Variants in DSCAM observed in about 807,000 individuals in gnomAD.
DSCAM encodes the protein DS cell adhesion molecule.
Under a neutral mutation model 217.7 loss-of-function variants are expected in DSCAM, and 47 were observed. The observed-to-expected ratio is 0.22, with a 90% CI of 0.17 to 0.28. The LOEUF (loss-of-function observed/expected upper bound fraction) is 0.28. DSCAM is among the 10% of genes least tolerant of loss of function. DSCAM has a pLI of 1.00. For synonymous variants in DSCAM, 1,056 were observed against 1,015.3 expected (o/e 1.04, Z -0.76); for missense variants, 2,080 against 2,618.3 (o/e 0.79, Z 4.49).
At chr21:40,659,674 CCTAT>C (rs78076190) in intron 3 of DSCAM, among the ~76,000 whole-genome samples, 52,296 of 151,666 alleles carry the variant, frequency 0.34, 10,410 homozygotes, top group Non-Finnish European at 0.45. Context: ...CGTCTATCTG[CCTAT>C]CTGTCTATCT....
At chr21:40,779,376 T>C (rs531486902) in intron 1 of DSCAM, among the ~76,000 whole-genome samples, 3 of 152,334 alleles carry the variant, frequency 2.0e-5, no homozygotes, top group Admixed American at 1.3e-4. Flanking sequence ...AAATTTTGGT[T>C]CAGACGTCAG....
chr21:40,282,719 C>A (rs1404042348), intron 10 of DSCAM, among the ~76,000 whole-genome samples: 2 of 150,654 alleles, frequency 1.3e-5, no homozygotes, highest in African/African-American at 4.9e-5. Context: ...ACATGAATAT[C>A]CATGTCAACA....
chr21:40,124,392 C>T lies in DSCAM; in HGVS notation c.3563-64G>A, dbSNP rs1185699700. 1.9e-6 allele frequency: 3 copies of T among 1,593,822 alleles called. No individual in the cohort carries two copies. The East Asian group carries it at 6.7e-5, about 36-fold the overall frequency. On this transcript the variant is annotated intron_variant, in intron 19 of 32. Coordinates refer to ENST00000400454, the MANE Select transcript of DSCAM (RefSeq NM_001389.5). ...AACTTGGGCTTGCGGACCCACGCTT[C>T]CCAACATGACCCCACTCCGCACTTA...
intron 11 of DSCAM, among the ~76,000 whole-genome samples, chr21:40,247,749 A>G (rs2073245895): frequency 6.6e-6 from 1 of 152,230 alleles, no homozygotes; most frequent in Non-Finnish European, 1.5e-5. Context: ...TCTGGAGGAC[A>G]GTAGCCCTCT....
intron 26 of DSCAM, among the ~76,000 whole-genome samples, chr21:40,077,252 G>A (rs536155527): frequency 2.2e-3 from 339 of 152,292 alleles, no homozygotes; most frequent in Non-Finnish European, 3.3e-3. Context: ...TCTTCCTACA[G>A]CCCTGAGACC....
chr21:40,089,500 T>A (rs2089577361), intron 21 of DSCAM, among the ~76,000 whole-genome samples: 2 of 152,130 alleles, frequency 1.3e-5, no homozygotes, highest in Admixed American at 1.3e-4. Context: ...AGGAGGGGCT[T>A]CCCCCAGGAC....
intron 15 of DSCAM, among the ~76,000 whole-genome samples, chr21:40,175,287 T>C (rs368234518): frequency 6.6e-6 from 1 of 152,102 alleles, no homozygotes; most frequent in Non-Finnish European, 1.5e-5. Context: ...TTTTTTTTTG[T>C]ATTTTTAGTA....
At chr21:40,592,448 A>G (rs455304) in intron 3 of DSCAM, among the ~76,000 whole-genome samples, 102,380 of 152,038 alleles carry the variant, frequency 0.67, 34,696 homozygotes, top group African/African-American at 0.73. Context: ...TCCTGCTCCA[A>G]TTGAAATAAA....
chr21:40,184,956 C>T (rs1193463032), intron 14 of DSCAM, among the ~76,000 whole-genome samples: 3 of 152,094 alleles, frequency 2.0e-5, no homozygotes, highest in Non-Finnish European at 2.9e-5. Flanking sequence ...ACGAGGAAGG[C>T]GTTTTCAATG....
At chr21:40,308,417 G>A (rs1813426589) in intron 9 of DSCAM, among the ~76,000 whole-genome samples, 1 of 152,114 alleles carries the variant, frequency 6.6e-6, no homozygotes, top group African/African-American at 2.4e-5. Flanking sequence ...TAGAACTCCA[G>A]CATTCCCAAG....
intron 9 of DSCAM, among the ~76,000 whole-genome samples, chr21:40,303,769 G>A (rs1264164366): frequency 6.6e-6 from 1 of 152,168 alleles, no homozygotes; most frequent in Non-Finnish European, 1.5e-5. Flanking sequence ...AACCTTCTAT[G>A]ATTTTCATTT....
chr21:40,198,921 G>A lies in DSCAM; in HGVS notation c.2357-9683C>T, dbSNP rs554558104. Among the ~76,000 whole-genome samples, 3 of 152,328 alleles carry A rather than the reference G, an allele frequency of 2.0e-5. No homozygotes were observed. The South Asian group carries it at 6.2e-4, about 32-fold the overall frequency. ...TGTGGGACTGGACTGGTCTTGTACCGATGATGCTGTCCCTGAATGTCAGGA... is the reference window on the plus strand; with the variant it reads ...TGTGGGACTGGACTGGTCTTGTACCAATGATGCTGTCCCTGAATGTCAGGA... On this transcript the variant is annotated intron_variant, in intron 11 of 32. Coordinates refer to ENST00000400454, the MANE Select transcript of DSCAM (RefSeq NM_001389.5).
chr21:40,791,516 G>A (rs1393555685), intron 1 of DSCAM, among the ~76,000 whole-genome samples: 2 of 152,072 alleles, frequency 1.3e-5, no homozygotes, highest in Non-Finnish European at 2.9e-5. Context: ...TTAGCCGGGC[G>A]TGCTGGCGGG....
chr21:40,209,620 T>C (rs1256539590), intron 11 of DSCAM, among the ~76,000 whole-genome samples: 1 of 152,152 alleles, frequency 6.6e-6, no homozygotes, highest in African/African-American at 2.4e-5. Flanking sequence ...CCTTCCAAGC[T>C]TTCTCCCTGT....
Position 40,380,156 on chromosome 21 carries a change from T to G in DSCAM, c.509-10911A>C, listed in dbSNP as rs556332446. Among the ~76,000 whole-genome samples, 3 of 152,386 alleles carry G rather than the reference T, an allele frequency of 2.0e-5. No individual in the cohort carries two copies. The South Asian group carries it at 6.2e-4, about 32-fold the overall frequency. On this transcript the variant is annotated intron_variant, in intron 3 of 32. Transcript: ENST00000400454. ...GAGGCTCAATTATACACTACTAATT[T>G]AAGCCTGCATACTGCATTCCAACTG...
intron 30 of DSCAM, among the ~76,000 whole-genome samples, chr21:40,048,487 G>GATAA (rs1156777184): frequency 2.0e-4 from 30 of 152,136 alleles, no homozygotes; most frequent in African/African-American, 6.8e-4. Flanking sequence ...TACTGACAGA[G>GATAA]ATAAATAGCA....
rs1555894829 is a variant in DSCAM, at chr21:40,846,772, C to CCCGCCGCCCG, written c.-121_-112dup. The CCCGCCGCCCG allele has an allele frequency of 2.8e-4, 99 of 358,584 alleles. No homozygotes were observed. The East Asian group carries it at 0.014, about 49-fold the overall frequency. The allele number at this position is 358,584 out of a possible 1,614,324, so 22.2% of individuals were successfully genotyped here. On this transcript the variant is annotated 5_prime_UTR_variant, in exon 1 of 33. Transcript: ENST00000400454. ...GCACCTGCCCGGGGGCCGCCGCCCG[C>CCCGCCGCCCG]CCGCCGCCCGCCGCCGCCGCCGCCG...
chr21:40,380,589 G>A (rs1358574004), intron 3 of DSCAM, among the ~76,000 whole-genome samples: 1 of 152,188 alleles, frequency 6.6e-6, no homozygotes, highest in Admixed American at 6.5e-5. Context: ...TGGGGGTTTG[G>A]AGTGGGGTGT....
At chr21:40,806,398 G>A (rs553724791) in intron 1 of DSCAM, among the ~76,000 whole-genome samples, 1 of 152,286 alleles carries the variant, frequency 6.6e-6, no homozygotes, top group Admixed American at 6.5e-5. Context: ...ATTTCTGTGA[G>A]TTTACCTGAC....
Sources: allele counts gnomAD v4.1 joint callset (sites outside exome capture counted in the v4.1 genomes callset), GRCh38; gene constraint gnomAD v4.1.1; transcripts MANE v1.5; gene names NCBI Gene and HGNC (gene_info 2026-07-23, HGNC 2026-07-21).